Variants in EDEM2 observed in about 807,000 individuals in gnomAD.
EDEM2 encodes the protein ER degradation-enhancing alpha-mannosidase-like protein 2.
In EDEM2, 39 loss-of-function variants were observed where a neutral mutation model predicts 64.8. The ratio of observed to expected loss-of-function variants is 0.60; its 90% CI spans 0.47 to 0.79. The LOEUF is 0.79. Among genes scored for constraint, EDEM2 ranks in the 30% least tolerant of loss-of-function variants. The pLI is 0.00. For synonymous variants in EDEM2, 296 were observed against 291.5 expected, an observed-to-expected ratio of 1.02 and a Z score of -0.16; for missense variants, 609 against 731.3, an observed-to-expected ratio of 0.83 and a Z score of 1.93.
At chr20:35,144,530 C>T (rs1047066048) in intron 3 of EDEM2, among the ~76,000 whole-genome samples, 10 of 152,060 alleles carry the variant, frequency 6.6e-5, no homozygotes, top group African/African-American at 1.9e-4. Context: ...GATGGAGTTT[C>T]ACCATATTGG....
At chr20:35,116,883 G>T (rs1012630375) in intron 10 of EDEM2, among the ~76,000 whole-genome samples, 2 of 151,822 alleles carry the variant, frequency 1.3e-5, no homozygotes, top group African/African-American at 2.4e-5. Flanking sequence ...TCTGCCTCCC[G>T]GGTTCAAGCA....
intron 5 of EDEM2, among the ~76,000 whole-genome samples, chr20:35,136,071 G>A (rs1033326076): frequency 4.6e-5 from 7 of 152,136 alleles, no homozygotes; most frequent in African/African-American, 2.4e-5. Context: ...CAAAGGTGTC[G>A]ACACTTCCAA....
chr20:35,146,928 C>T lies in EDEM2; in HGVS notation c.115G>A (p.Val39Ile). 6.2e-7 allele frequency: 1 copy of T among 1,613,522 alleles called. No homozygotes were observed. Among genetic ancestry groups the T allele is most frequent in the Non-Finnish European group, 8.5e-7 (1 of 1,179,748 alleles). ...TAGGCGTGGTAGAACATGGCCTTGACTCGCTCCCTGGGTGGGGGACGAGAA... is the reference window on the plus strand; with the variant it reads ...TAGGCGTGGTAGAACATGGCCTTGATTCGCTCCCTGGGTGGGGGACGAGAA... ...APDPAHYRER[V>I]KAMFYHAYDS... The change falls in exon 2 of 11, where the codon GTC becomes ATC. Residue 39 changes from valine to isoleucine, a missense_variant. Coordinates refer to ENST00000374492, the MANE Select transcript of EDEM2 (RefSeq NM_018217.3).
chr20:35,125,679 C>A (rs73616623), intron 8 of EDEM2, among the ~76,000 whole-genome samples: 4,864 of 152,194 alleles, frequency 0.032, 336 homozygotes, highest in East Asian at 0.24. Flanking sequence ...CCACCGCGCC[C>A]GACCTAATTT....
intron 9 of EDEM2, among the ~76,000 whole-genome samples, chr20:35,122,383 A>AT (rs1439307983): frequency 6.6e-6 from 1 of 151,908 alleles, no homozygotes; most frequent in East Asian, 1.9e-4. Flanking sequence ...TTACTTATTT[A>AT]TTTTTTTGAG....
rs751397911 is a variant in EDEM2 at position 35,134,897 on chromosome 20, G to A, written c.543C>T (p.Gly181=). ...MPYGTVNLLH[G]VNPGETPVTC... ...TGACAGGGGTCTCTCCTGGGTTCAC[G>A]CCATGAAGTAAGTTCACTGTTCCAT... Residue 181 remains glycine, a synonymous_variant, in exon 6 of 11, where the codon GGC becomes GGT. Transcript: ENST00000374492. 4.0e-5 allele frequency: 64 copies of A among 1,614,014 alleles called. No individual in the cohort carries two copies. Among genetic ancestry groups the A allele is most frequent in the Non-Finnish European group, 5.3e-5 (63 of 1,180,046 alleles).
At chr20:35,134,275 A>T in intron 6 of EDEM2, 2 of 385,764 alleles carry the variant, frequency 5.2e-6, no homozygotes, top group South Asian at 3.9e-5. Context: ...CTGACTCTCC[A>T]AAAAAGGGGG....
chr20:35,145,438 G>C (rs2085716269), intron 2 of EDEM2, among the ~76,000 whole-genome samples: 1 of 152,188 alleles, frequency 6.6e-6, no homozygotes, highest in Non-Finnish European at 1.5e-5. Flanking sequence ...ATTAATGGGT[G>C]ATTAAACTGT....
intron 5 of EDEM2, among the ~76,000 whole-genome samples, 168 bp downstream of exon 5, chr20:35,137,712 A>C (rs548099514): frequency 2.0e-5 from 3 of 152,326 alleles, no homozygotes; most frequent in African/African-American, 7.2e-5. Context: ...GGCCCTTAAA[A>C]TGCCCAGGAC....
Position 35,134,923 on chromosome 20 carries a change from A to G in EDEM2, c.517T>C (p.Tyr173His), listed in dbSNP as rs1464383562. Reference sequence around the variant, plus strand: ...CCATGAAGTAAGTTCACTGTTCCATATGGCATGCCAGTGGGGGTCTGAAAG... The same window carrying G: ...CCATGAAGTAAGTTCACTGTTCCATGTGGCATGCCAGTGGGGGTCTGAAAG... ...PAFQTPTGMP[Y>H]GTVNLLHGVN... The change falls in exon 6 of 11, where the codon TAT (tyrosine) becomes CAT (histidine). Residue 173 changes from tyrosine to histidine, a missense_variant. Coordinates refer to ENST00000374492, the MANE Select transcript of EDEM2 (RefSeq NM_018217.3). 6.2e-7 allele frequency: 1 copy of G among 1,614,074 alleles called. No individual in the cohort carries two copies. The highest frequency in any genetic ancestry group is 1.7e-5 in the Admixed American group (1 of 60,008).
At position 35,146,937 on chromosome 20, in the gene EDEM2, T is replaced by A; in HGVS notation, c.108-2A>T. On this transcript the variant is annotated splice_acceptor_variant, in intron 1 of 10. Coordinates refer to ENST00000374492, the MANE Select transcript of EDEM2 (RefSeq NM_018217.3). LOFTEE classifies it high-confidence loss of function. ...TAGAACATGGCCTTGACTCGCTCCC[T>A]GGGTGGGGGACGAGAAATCAGGCAT... 7 of 1,612,582 alleles carry A rather than the reference T, an allele frequency of 4.3e-6. No homozygotes were observed. Among genetic ancestry groups the A allele is most frequent in the Non-Finnish European group, 5.9e-6 (7 of 1,179,350 alleles).
intron 2 of EDEM2, among the ~76,000 whole-genome samples, chr20:35,145,901 C>G (rs6088730): frequency 0.48 from 72,438 of 150,702 alleles, 17,868 homozygotes; most frequent in African/African-American, 0.59. Flanking sequence ...ACTTGGGAGG[C>G]TGAGGCAGGA....
At chr20:35,130,376 GTTTAA>G (rs1478049207) in intron 7 of EDEM2, among the ~76,000 whole-genome samples, 1 of 152,042 alleles carries the variant, frequency 6.6e-6, no homozygotes, top group Non-Finnish European at 1.5e-5. Flanking sequence ...AGCCGAAAAA[GTTTAA>G]TTTATAAATT....
Position 35,137,822 on chromosome 20 carries a change from G to T in EDEM2, c.490+58C>A, listed in dbSNP as rs2085598164. ...TTCAGCACTGCCACTCTCATCTTCA[G>T]CAAGGGAAGCAGGACCTACTGGACT... On this transcript the variant is annotated intron_variant, in intron 5 of 10. Transcript: ENST00000374492. 3.8e-6 allele frequency: 6 copies of T among 1,583,918 alleles called. No individual in the cohort carries two copies. The South Asian group carries it at 6.9e-5, about 18-fold the overall frequency.
At chr20:35,141,714 G>A (rs1036272685) in intron 4 of EDEM2, among the ~76,000 whole-genome samples, 2 of 151,778 alleles carry the variant, frequency 1.3e-5, no homozygotes, top group African/African-American at 4.9e-5. Context: ...TAAAAATACT[G>A]ATTCTAGGAC....
At position 35,115,771 on chromosome 20, in the gene EDEM2, C is replaced by G; in HGVS notation, c.1399G>C (p.Gly467Arg). 1 of 1,614,212 alleles carries G rather than the reference C, an allele frequency of 6.2e-7. No homozygotes were observed. The highest frequency in any genetic ancestry group is 1.3e-5 in the African/African-American group (1 of 75,048). Residue 467 changes from glycine (G) to arginine (R), a missense_variant, in exon 11 of 11, where the codon GGG becomes CGG. Coordinates refer to ENST00000374492, the MANE Select transcript of EDEM2 (RefSeq NM_018217.3). ...VITPYGECIL[G>R]AGGYIFNTEA... ...GTGTTGAAGATGTACCCCCCAGCCC[C>G]CAGGATGCACTCCCCATAGGGGGTG...
At chr20:35,130,065 AT>A (rs2085487633) in intron 7 of EDEM2, among the ~76,000 whole-genome samples, 1 of 152,084 alleles carries the variant, frequency 6.6e-6, no homozygotes, top group South Asian at 2.1e-4. Context: ...AATTCATTAA[AT>A]TTTTAAAAAT....
Position 35,131,699 on chromosome 20 carries a change from A to T in EDEM2, c.787T>A (p.Tyr263Asn). ...IGAGVDSYFE[Y>N]LVKGAILLQD... The stretch of plus-strand genomic sequence containing the variant: ...AGCAGGATGGCTCCTTTCACCAAGT[A>T]CTCAAAGTAGGAGTCCACGCCAGCC... The change falls in exon 7 of 11, where the codon TAC becomes AAC. Residue 263 changes from tyrosine (Y) to asparagine (N), a missense_variant. Tyr to Asn is a moderately radical substitution (Grantham distance 143, BLOSUM62 -2). Coordinates refer to ENST00000374492, the MANE Select transcript of EDEM2 (RefSeq NM_018217.3). 6.2e-7 allele frequency: 1 copy of T among 1,614,190 alleles called. No individual in the cohort carries two copies. The highest frequency in any genetic ancestry group is 8.5e-7 in the Non-Finnish European group (1 of 1,180,024).
At chr20:35,124,178 G>T in intron 8 of EDEM2, 144 bp from the exon 9 acceptor site, 1 of 1,025,886 alleles carries the variant, frequency 9.7e-7, no homozygotes, top group Non-Finnish European at 1.4e-6. Context: ...GTGTGGTGCT[G>T]AGCCAGGCAC....
Sources: gnomAD v4.1 joint callset for allele counts (sites outside exome capture counted in the v4.1 genomes callset) on GRCh38, gnomAD v4.1.1 for gene constraint, MANE v1.5 for transcripts, NCBI Gene and HGNC (gene_info 2026-07-23, HGNC 2026-07-21) for gene names.